The following FRS2 variants were observed in gnomAD, a reference collection of about 807,000 sequenced individuals.
FRS2 encodes the protein FGFR signalling adaptor.
FRS2 carries 8 observed loss-of-function variants against 43.9 expected under a neutral mutation model. The ratio of observed to expected loss-of-function variants is 0.18; its 90% CI spans 0.11 to 0.33. The LOEUF is 0.33. FRS2 is among the 10% of genes least tolerant of loss of function. FRS2 has a pLI of 1.00. For missense variants in FRS2, 534 were observed against 627.6 expected, an observed-to-expected ratio of 0.85 and a Z score of 1.59; for synonymous variants, 219 against 220.3, an observed-to-expected ratio of 0.99 and a Z score of 0.05.
At chr12:69,545,755 CAA>C (rs60460901) in intron 3 of FRS2, among the ~76,000 whole-genome samples, 1,021 of 80,342 alleles carry the variant, frequency 0.013, 5 homozygotes, top group African/African-American at 0.04. Context: ...GACCCTGTCT[CAA>C]AAAAAAAAAA....
intron 1 of FRS2, among the ~76,000 whole-genome samples, chr12:69,483,318 G>A (rs1394351013): frequency 6.6e-6 from 1 of 152,168 alleles, no homozygotes; most frequent in East Asian, 1.9e-4. Flanking sequence ...CCATCACCAT[G>A]AAAACACTCC....
At chr12:69,529,479 C>G (rs1210086910) in intron 1 of FRS2, among the ~76,000 whole-genome samples, 1 of 151,926 alleles carries the variant, frequency 6.6e-6, no homozygotes, top group Non-Finnish European at 1.5e-5. Flanking sequence ...CAAAAATTAG[C>G]CAGACGTGGT....
Position 69,547,481 on chromosome 12 carries a change from C to T in FRS2, c.-121-14699C>T, listed in dbSNP as rs116387888. 8.9e-3 allele frequency among the ~76,000 whole-genome samples: 1,357 copies of T among 151,954 alleles called. 23 individuals are homozygous for T. The highest frequency in any genetic ancestry group is 0.03 in the African/African-American group (1,262 of 41,422). On this transcript the variant is annotated intron_variant, in intron 3 of 8. Coordinates refer to ENST00000549921, the MANE Select transcript of FRS2 (RefSeq NM_001278356.2). ...TGTCTCAAAAAGAAAAAAAGAATTA[C>T]GAGATGGATGATGGATAGTTAAGAT...
chr12:69,560,309 A>G (rs1438834222), intron 3 of FRS2, among the ~76,000 whole-genome samples: 2 of 152,046 alleles, frequency 1.3e-5, no homozygotes, highest in East Asian at 1.9e-4. Flanking sequence ...TTTGGTTTTC[A>G]TAGTAGCTCT....
intron 3 of FRS2, among the ~76,000 whole-genome samples, chr12:69,544,258 A>G (rs1279714633): frequency 6.6e-6 from 1 of 152,112 alleles, no homozygotes; most frequent in Non-Finnish European, 1.5e-5. Context: ...TTATTCCTGG[A>G]ATGCAGGGAT....
chr12:69,490,767 G>T (rs1464282036), intron 1 of FRS2, among the ~76,000 whole-genome samples: 1 of 152,076 alleles, frequency 6.6e-6, no homozygotes, highest in Non-Finnish European at 1.5e-5. Context: ...AGTTGCCATG[G>T]TTATACTTTT....
At chr12:69,525,459 A>G (rs2135634395) in intron 1 of FRS2, among the ~76,000 whole-genome samples, 1 of 152,318 alleles carries the variant, frequency 6.6e-6, no homozygotes, top group East Asian at 1.9e-4. Flanking sequence ...AGTAAATGCC[A>G]CAGGTGATAA....
Position 69,556,806 on chromosome 12 carries a change from T to C in FRS2, c.-121-5374T>C, listed in dbSNP as rs2135756581. On this transcript the variant is annotated intron_variant, in intron 3 of 8. Coordinates refer to ENST00000549921, the MANE Select transcript of FRS2 (RefSeq NM_001278356.2). ...ATCTTGAAATTAGAGTGACTTGGAT[T>C]TAAATTTTGTTGTTTTAAAAAATAA... is the stretch of plus-strand genomic sequence containing the variant. 2.0e-5 allele frequency among the ~76,000 whole-genome samples: 3 copies of C among 152,366 alleles called. No individual in the cohort carries two copies. In the South Asian group the frequency reaches 6.2e-4, roughly 32 times the overall value.
chr12:69,520,938 T>G (rs181154220), intron 1 of FRS2, among the ~76,000 whole-genome samples: 15 of 152,204 alleles, frequency 9.9e-5, no homozygotes, highest in African/African-American at 3.4e-4. Flanking sequence ...ATTAAAAAAT[T>G]TTTTTTTCTA....
intron 1 of FRS2, among the ~76,000 whole-genome samples, chr12:69,528,112 G>T (rs1565749137): frequency 6.6e-6 from 1 of 152,214 alleles, no homozygotes; most frequent in Non-Finnish European, 1.5e-5. Context: ...TGTGATCACT[G>T]AGTCAGACTT....
At chr12:69,506,369 A>C (rs563163773) in intron 1 of FRS2, among the ~76,000 whole-genome samples, 1 of 152,122 alleles carries the variant, frequency 6.6e-6, no homozygotes, top group East Asian at 1.9e-4. Flanking sequence ...TGGATCCTTC[A>C]TAAGCTATAA....
chr12:69,558,189 C>CA (rs1360153100), intron 3 of FRS2, among the ~76,000 whole-genome samples: 1 of 152,206 alleles, frequency 6.6e-6, no homozygotes, highest in Non-Finnish European at 1.5e-5. Flanking sequence ...AGTGACACTG[C>CA]AAGTCCAGTT....
At chr12:69,566,731 A>T (rs1565779340) in intron 4 of FRS2, among the ~76,000 whole-genome samples, 2 of 152,356 alleles carry the variant, frequency 1.3e-5, no homozygotes, top group Non-Finnish European at 1.5e-5. Flanking sequence ...GTGCAGAAAG[A>T]TAAACATTGC....
At chr12:69,526,792 C>T (rs770688322) in intron 1 of FRS2, among the ~76,000 whole-genome samples, 21 of 151,758 alleles carry the variant, frequency 1.4e-4, no homozygotes, top group Non-Finnish European at 2.4e-4. Context: ...GGCACGATCT[C>T]GGCTCACTGC....
At chr12:69,490,541 C>G (rs1565721142) in intron 1 of FRS2, among the ~76,000 whole-genome samples, 1 of 148,500 alleles carries the variant, frequency 6.7e-6, no homozygotes, top group Admixed American at 6.8e-5. Context: ...TTCTTAGGTT[C>G]TTTACAAAAT....
intron 7 of FRS2, 75 bp from the exon 8 acceptor site, chr12:69,572,043 C>A: frequency 8.9e-7 from 1 of 1,128,916 alleles, no homozygotes; most frequent in South Asian, 1.4e-5. Flanking sequence ...ATCCTCAGTA[C>A]AGATTCGATT....
intron 3 of FRS2, among the ~76,000 whole-genome samples, chr12:69,553,055 A>ATTTTTG (rs371855261): frequency 0.013 from 1,958 of 151,760 alleles, 20 homozygotes; most frequent in African/African-American, 0.023. Context: ...ACTTAGAGCT[A>ATTTTTG]TTTTTGTTTT....
At chr12:69,508,730 A>G (rs1874186811) in intron 1 of FRS2, among the ~76,000 whole-genome samples, 1 of 152,068 alleles carries the variant, frequency 6.6e-6, no homozygotes, top group African/African-American at 2.4e-5. Flanking sequence ...TCTTTTAGTT[A>G]TTTGTTCTGA....
chr12:69,544,173 A>G (rs554572), intron 3 of FRS2, among the ~76,000 whole-genome samples: 14,211 of 151,724 alleles, frequency 0.094, 871 homozygotes, highest in Non-Finnish European at 0.14. Flanking sequence ...AATCATAAAC[A>G]TTGATGTAAA....
Sources: allele counts gnomAD v4.1 joint callset (sites outside exome capture counted in the v4.1 genomes callset), GRCh38; gene constraint gnomAD v4.1.1; transcripts MANE v1.5; gene names NCBI Gene and HGNC (gene_info 2026-07-23, HGNC 2026-07-21).